ADCY3: variants seen among roughly 807,000 people sequenced by gnomAD.
The protein encoded by ADCY3 is adenylate cyclase type 3.
ADCY3 carries 70 observed loss-of-function variants against 119.4 expected under a neutral mutation model. The observed-to-expected ratio is 0.59, with a 90% CI of 0.48 to 0.72. The LOEUF is 0.72. Ranked by LOEUF, ADCY3 falls within the 30% of genes least tolerant of loss-of-function variation. The pLI, the probability that ADCY3 is intolerant of heterozygous loss-of-function variation, is 0.00. For missense variants in ADCY3, 1,238 were observed against 1,541.6 expected, an observed-to-expected ratio of 0.80 and a Z score of 3.30; for synonymous variants, 672 against 621.4, an observed-to-expected ratio of 1.08 and a Z score of -1.21.
intron 2 of ADCY3, among the ~76,000 whole-genome samples, chr2:24,873,658 C>T (rs796565951): frequency 7.2e-5 from 11 of 152,350 alleles, no homozygotes; most frequent in African/African-American, 2.6e-4. Context: ...CATGCCTGGG[C>T]CCCAACATGG....
intron 11 of ADCY3, among the ~76,000 whole-genome samples, chr2:24,832,905 G>A (rs4665730): frequency 0.46 from 69,431 of 151,954 alleles, 16,787 homozygotes; most frequent in East Asian, 0.61. Context: ...CGGCACCCCC[G>A]TCCTGCCAGT....
At chr2:24,838,932 C>T (rs778264457) in intron 7 of ADCY3, 30 of 1,448,194 alleles carry the variant, frequency 2.1e-5, no homozygotes, top group African/African-American at 5.7e-5. Context: ...AGATCAAATG[C>T]GATAAGGAAT....
chr2:24,825,774 G>C, intron 16 of ADCY3: 1 of 488,950 alleles, frequency 2.0e-6, no homozygotes, highest in Non-Finnish European at 3.7e-6. Context: ...CAAGATGTTT[G>C]TGCCTTCACT....
intron 2 of ADCY3, among the ~76,000 whole-genome samples, chr2:24,891,640 G>C (rs1313085333): frequency 1.3e-5 from 2 of 152,188 alleles, no homozygotes; most frequent in African/African-American, 4.8e-5. Flanking sequence ...TCTAGGGTAA[G>C]AGCAAATCTT....
chr2:24,904,650 TTCTC>T (rs1384063876), intron 2 of ADCY3, among the ~76,000 whole-genome samples: 2 of 152,118 alleles, frequency 1.3e-5, no homozygotes, highest in Non-Finnish European at 2.9e-5. Context: ...TGTAAGTTTC[TTCTC>T]TCTTTTTTTA....
chr2:24,910,430 C>G (rs1041989571), intron 2 of ADCY3, among the ~76,000 whole-genome samples: 2 of 152,040 alleles, frequency 1.3e-5, no homozygotes, highest in Admixed American at 1.3e-4. Context: ...CTCTTTTAAG[C>G]CTCCAAATTT....
intron 3 of ADCY3, among the ~76,000 whole-genome samples, chr2:24,871,815 T>C (rs1675045888): frequency 6.6e-6 from 1 of 152,178 alleles, no homozygotes; most frequent in Non-Finnish European, 1.5e-5. Context: ...GTGAGATTAA[T>C]CCAGGCCAAA....
chr2:24,842,427 C>A lies in ADCY3; in HGVS notation c.826-43G>T. Reference sequence around the variant, plus strand: ...GGGTCAGAGGCAAAGGTAGGCCCTGCTAGAGGCAAGTTCAGATACTTCTGG... The same window carrying A: ...GGGTCAGAGGCAAAGGTAGGCCCTGATAGAGGCAAGTTCAGATACTTCTGG... On this transcript the variant is annotated intron_variant, in intron 3 of 21. Coordinates refer to ENST00000679454, the MANE Select transcript of ADCY3 (RefSeq NM_004036.5). The surrounding 1 kb of genome is among the most constrained non-coding windows in gnomAD (Gnocchi z 4.9). 3 of 1,612,428 alleles carry A rather than the reference C, an allele frequency of 1.9e-6. No homozygotes were observed. The highest frequency in any genetic ancestry group is 2.5e-6 in the Non-Finnish European group (3 of 1,179,148).
In ADCY3 at chr2:24,841,486, G is replaced by T. The variant is rs75929264; in HGVS notation, c.1068+70C>A. On this transcript the variant is annotated intron_variant, in intron 5 of 21. Transcript: ENST00000679454. This position sits in a 1 kb window ranked among gnomAD's most constrained non-coding sequence, Gnocchi z 5.8. ...GACAGTGGGAGAAAATCATGGGGCCGGGGATGGGGGCCAGGCAGAGGCCAT... is the reference window on the plus strand; with the variant it reads ...GACAGTGGGAGAAAATCATGGGGCCTGGGATGGGGGCCAGGCAGAGGCCAT... 6.3e-7 allele frequency: 1 copy of T among 1,588,116 alleles called. No individual in the cohort carries two copies. The highest frequency in any genetic ancestry group is 8.6e-7 in the Non-Finnish European group (1 of 1,164,418).
intron 2 of ADCY3, among the ~76,000 whole-genome samples, chr2:24,880,574 A>G (rs935463345): frequency 4.6e-5 from 7 of 152,236 alleles, no homozygotes; most frequent in African/African-American, 1.7e-4. Flanking sequence ...ATAATATTTC[A>G]AATGTAAGCA....
At chr2:24,824,557 A>T (rs1265123059) in intron 16 of ADCY3, 21 bp from the exon 17 acceptor site, 1 of 1,613,184 alleles carries the variant, frequency 6.2e-7, no homozygotes, top group East Asian at 2.2e-5. Flanking sequence ...AGACAAGGCG[A>T]GGCATGTGCT....
At chr2:24,848,963 C>T (rs909091057) in intron 3 of ADCY3, among the ~76,000 whole-genome samples, 1 of 152,332 alleles carries the variant, frequency 6.6e-6, no homozygotes, top group Non-Finnish European at 1.5e-5. Context: ...CTCAGCCCCC[C>T]CCGCCACGTG....
chr2:24,820,321 T>G (rs1218124579), intron 21 of ADCY3: 6 of 1,311,024 alleles, frequency 4.6e-6, no homozygotes, highest in African/African-American at 3.0e-5. Context: ...GCTGGGGGCC[T>G]CCTCTCATCC....
At chr2:24,833,379 G>A (rs1669863461) in intron 11 of ADCY3, among the ~76,000 whole-genome samples, 1 of 152,184 alleles carries the variant, frequency 6.6e-6, no homozygotes, top group African/African-American at 2.4e-5. Context: ...CGAAGCAGGT[G>A]TCCCCCAGAT....
At chr2:24,911,993 A>G (rs1663745200) in intron 2 of ADCY3, among the ~76,000 whole-genome samples, 1 of 152,224 alleles carries the variant, frequency 6.6e-6, no homozygotes, top group Non-Finnish European at 1.5e-5. Context: ...GATCTGTAAA[A>G]TGGAAATAAT....
chr2:24,874,447 T>C (rs1030796049), intron 2 of ADCY3, among the ~76,000 whole-genome samples: 3 of 152,174 alleles, frequency 2.0e-5, no homozygotes, highest in Non-Finnish European at 2.9e-5. Flanking sequence ...GCCAGCCTTA[T>C]TGGGGCCAGA....
At chr2:24,853,460 GCCT>G (rs1250049046) in intron 3 of ADCY3, among the ~76,000 whole-genome samples, 3 of 148,804 alleles carry the variant, frequency 2.0e-5, no homozygotes, top group Admixed American at 1.3e-4. Context: ...ATTGAAACGC[GCCT>G]CATCTTTTTT....
At chr2:24,853,706 G>C (rs758546084) in intron 3 of ADCY3, among the ~76,000 whole-genome samples, 17 of 151,934 alleles carry the variant, frequency 1.1e-4, no homozygotes, top group Non-Finnish European at 2.2e-4. Context: ...TGATCTGCCC[G>C]AGATCCTGAC....
In ADCY3 at chr2:24,819,765, C is replaced by G. The variant is rs1378346313; in HGVS notation, c.*167G>C. 4 of 707,330 alleles carry G rather than the reference C, an allele frequency of 5.7e-6. No individual in the cohort carries two copies. In the African/African-American group the frequency reaches 7.3e-5, roughly 13 times the overall value. 43.8% of individuals were successfully genotyped at this position (707,330 alleles called of 1,614,324 possible). A position where few individuals can be genotyped will look rare whatever the true frequency, so the allele number is the denominator to read the frequency against. On this transcript the variant is annotated 3_prime_UTR_variant, in exon 22 of 22. Coordinates refer to ENST00000679454, the MANE Select transcript of ADCY3 (RefSeq NM_004036.5). ...ACACTACAGGCACACACAGGAATAG[C>G]AGGGCCACCCTCAGAGCTCACACAT...
Sources: gnomAD v4.1 joint callset for allele counts (sites outside exome capture counted in the v4.1 genomes callset) on GRCh38, gnomAD v4.1.1 for gene constraint, Gnocchi (gnomAD v3.1) non-coding constraint, MANE v1.5 for transcripts, NCBI Gene and HGNC (gene_info 2026-07-23, HGNC 2026-07-21) for gene names.